RAB3C: variants seen among roughly 807,000 people sequenced by gnomAD.
The protein encoded by RAB3C is RAB3C, member RAS oncogene family.
In RAB3C, 17 loss-of-function variants were observed where a neutral mutation model predicts 26.4. The ratio of observed to expected loss-of-function variants is 0.64; its 90% CI spans 0.44 to 0.97. RAB3C has a LOEUF of 0.97. RAB3C is among the 50% of genes least tolerant of loss of function. The probability of loss-of-function intolerance (pLI) is 0.00; values close to 1 mark genes in which losing one functional copy is unlikely to be tolerated. For synonymous variants in RAB3C, 91 were observed against 95.9 expected (o/e 0.95, Z 0.30); for missense variants, 242 against 281.9 (o/e 0.86, Z 1.01).
chr5:58,637,944 T>G (rs1747323613), intron 2 of RAB3C, among the ~76,000 whole-genome samples: 1 of 152,176 alleles, frequency 6.6e-6, no homozygotes, highest in Non-Finnish European at 1.5e-5. Context: ...AAATCCTGGT[T>G]ATAAGTAGCA....
chr5:58,654,677 TC>T (rs1747728657), intron 2 of RAB3C, among the ~76,000 whole-genome samples: 15 of 151,456 alleles, frequency 9.9e-5, no homozygotes, highest in African/African-American at 3.6e-4. Flanking sequence ...GCTCTCACTC[TC>T]TCTTCTCCTC....
intron 3 of RAB3C, among the ~76,000 whole-genome samples, chr5:58,795,479 T>C (rs1454323127): frequency 6.6e-6 from 1 of 152,166 alleles, no homozygotes; most frequent in Non-Finnish European, 1.5e-5. Flanking sequence ...AGCCTACCCA[T>C]CCTGGCCTGC....
At chr5:58,690,030 A>C (rs1217986040) in intron 2 of RAB3C, among the ~76,000 whole-genome samples, 1 of 152,144 alleles carries the variant, frequency 6.6e-6, no homozygotes, top group Non-Finnish European at 1.5e-5. Flanking sequence ...AGAGTTATGC[A>C]TACTGGCATC....
At chr5:58,725,948 C>CA (rs1740880169) in intron 2 of RAB3C, 54 bp from the exon 3 acceptor site, 2 of 1,069,744 alleles carry the variant, frequency 1.9e-6, no homozygotes, top group Non-Finnish European at 2.7e-6. Flanking sequence ...AATCACTTCC[C>CA]AAAAATGTAT....
At chr5:58,605,800 G>A (rs1373022364) in intron 1 of RAB3C, among the ~76,000 whole-genome samples, 1 of 152,160 alleles carries the variant, frequency 6.6e-6, no homozygotes, top group Non-Finnish European at 1.5e-5. Flanking sequence ...TGCTACTTGG[G>A]AGGCTGAGAC....
At chr5:58,698,594 C>G (rs2111874147) in intron 2 of RAB3C, among the ~76,000 whole-genome samples, 1 of 152,268 alleles carries the variant, frequency 6.6e-6, no homozygotes, top group South Asian at 2.1e-4. Flanking sequence ...TTCACATAGT[C>G]CCATATTTCT....
In RAB3C at chr5:58,726,082, C is replaced by A; in HGVS notation, c.333C>A (p.Asp111Glu). Residue 111 changes from aspartate to glutamate, a missense_variant, in exon 3 of 5, where the codon GAC (aspartate) becomes GAA (glutamate). Transcript: ENST00000282878. ...RGAMGFILMYDITNEESFNAV... is the reference protein window; with the variant it reads ...RGAMGFILMYEITNEESFNAV... Reference sequence around the variant, plus strand: ...CCATGGGCTTTATTTTAATGTATGACATTACAAATGAAGAATCCTTCAATG... The same window carrying A: ...CCATGGGCTTTATTTTAATGTATGAAATTACAAATGAAGAATCCTTCAATG... The A allele has an allele frequency of 6.2e-7, 1 of 1,601,976 alleles. No individual in the cohort carries two copies. The highest frequency in any genetic ancestry group is 8.5e-7 in the Non-Finnish European group (1 of 1,171,216).
chr5:58,603,936 C>G (rs1579811459), intron 1 of RAB3C, among the ~76,000 whole-genome samples: 2 of 152,186 alleles, frequency 1.3e-5, no homozygotes, highest in Non-Finnish European at 2.9e-5. Context: ...TGGGTAGGCT[C>G]TGTCAGAGGG....
chr5:58,834,658 T>C (rs77578875), intron 4 of RAB3C, among the ~76,000 whole-genome samples: 5 of 152,226 alleles, frequency 3.3e-5, no homozygotes, highest in Non-Finnish European at 7.3e-5. Flanking sequence ...CACACACCTC[T>C]GAGGAGAAGC....
chr5:58,675,361 C>A (rs893105044), intron 2 of RAB3C, among the ~76,000 whole-genome samples: 1 of 152,082 alleles, frequency 6.6e-6, no homozygotes, highest in Admixed American at 6.6e-5. Flanking sequence ...TACTTAACTC[C>A]TATGTCTGCA....
chr5:58,807,202 A>G (rs1281155183), intron 3 of RAB3C, among the ~76,000 whole-genome samples: 1 of 152,212 alleles, frequency 6.6e-6, no homozygotes, highest in African/African-American at 2.4e-5. Flanking sequence ...AGCAGCAGGC[A>G]GCATATCAGA....
intron 2 of RAB3C, among the ~76,000 whole-genome samples, chr5:58,713,472 A>G (rs918745474): frequency 1.3e-5 from 2 of 152,214 alleles, no homozygotes; most frequent in Non-Finnish European, 2.9e-5. Context: ...TGACACAATC[A>G]CTTTTCAAAA....
chr5:58,819,974 G>A (rs1466880977), intron 3 of RAB3C, among the ~76,000 whole-genome samples: 5 of 152,096 alleles, frequency 3.3e-5, no homozygotes, highest in Non-Finnish European at 7.4e-5. Flanking sequence ...CACTAACTTG[G>A]TCATAGCTGC....
rs1579799944 is a variant in RAB3C at position 58,586,876 on chromosome 5, T to G, written c.24+3644T>G. Among the ~76,000 whole-genome samples the G allele has an allele frequency of 2.0e-5, 3 of 152,228 alleles. No homozygotes were observed. In the South Asian group the frequency reaches 6.2e-4, roughly 32 times the overall value. Reference sequence around the variant, plus strand: ...AACACCAAATTACAAAGAATTAAAGTCTAAATATCACTGTTTTATTTGGCT... The same window carrying G: ...AACACCAAATTACAAAGAATTAAAGGCTAAATATCACTGTTTTATTTGGCT... On this transcript the variant is annotated intron_variant, in intron 1 of 4. Transcript: ENST00000282878.
chr5:58,628,594 G>T (rs1747116872), intron 2 of RAB3C, among the ~76,000 whole-genome samples: 1 of 152,176 alleles, frequency 6.6e-6, no homozygotes, highest in East Asian at 1.9e-4. Context: ...TCTCTTGCCT[G>T]TGCTTCTCAT....
intron 2 of RAB3C, among the ~76,000 whole-genome samples, chr5:58,625,044 G>C (rs1021728920): frequency 3.9e-5 from 6 of 152,176 alleles, no homozygotes; most frequent in Non-Finnish European, 7.3e-5. Flanking sequence ...CTGAGGCATA[G>C]AGTGTGTGAA....
chr5:58,591,688 T>C (rs565117139), intron 1 of RAB3C, among the ~76,000 whole-genome samples: 1 of 150,238 alleles, frequency 6.7e-6, no homozygotes, highest in South Asian at 2.1e-4. Flanking sequence ...GGGCTTTTCA[T>C]TTTTTTCCAG....
chr5:58,627,083 G>A (rs1747068398), intron 2 of RAB3C, among the ~76,000 whole-genome samples: 1 of 152,084 alleles, frequency 6.6e-6, no homozygotes, highest in South Asian at 2.1e-4. Flanking sequence ...CAACTGCACA[G>A]GAAAGGCAAA....
intron 3 of RAB3C, among the ~76,000 whole-genome samples, chr5:58,788,925 A>T (rs1742458206): frequency 6.6e-6 from 1 of 152,158 alleles, no homozygotes; most frequent in Admixed American, 6.5e-5. Flanking sequence ...AATATCTGCA[A>T]AACCAGATGA....
Sources: allele counts gnomAD v4.1 joint callset (sites outside exome capture counted in the v4.1 genomes callset), GRCh38; gene constraint gnomAD v4.1.1; transcripts MANE v1.5; gene names NCBI Gene and HGNC (gene_info 2026-07-23, HGNC 2026-07-21).